FAM107B: variants seen among roughly 807,000 people sequenced by gnomAD.
The protein encoded by FAM107B is family with sequence similarity 107 member B.
Under a neutral mutation model 31.5 loss-of-function variants are expected in FAM107B, and 21 were observed. That is an observed-to-expected ratio of 0.67 (90% CI 0.47 to 0.96). FAM107B has a LOEUF of 0.96. FAM107B is among the 40% of genes least tolerant of loss of function. FAM107B has a pLI of 0.00. For synonymous variants in FAM107B, 157 were observed against 141.5 expected (o/e 1.11, Z -0.78); for missense variants, 452 against 377.1 (o/e 1.20, Z -1.64).
At chr10:14,690,590 C>G (rs1855109624) in intron 1 of FAM107B, among the ~76,000 whole-genome samples, 1 of 152,052 alleles carries the variant, frequency 6.6e-6, no homozygotes, top group South Asian at 2.1e-4. Flanking sequence ...GTAGCTGGGA[C>G]TACAGTTGCG....
intron 2 of FAM107B, among the ~76,000 whole-genome samples, chr10:14,654,506 T>C (rs1406393693): frequency 6.6e-6 from 1 of 152,202 alleles, no homozygotes. Flanking sequence ...CATCTCTCTG[T>C]GGTGAAGGAT....
At chr10:14,656,636 T>C (rs1264627593) in intron 2 of FAM107B, among the ~76,000 whole-genome samples, 1 of 152,264 alleles carries the variant, frequency 6.6e-6, no homozygotes, top group Admixed American at 6.5e-5. Context: ...TTAAAGATCA[T>C]CACTTTACTT....
At chr10:14,755,654 C>T (rs1832913657) in intron 1 of FAM107B, among the ~76,000 whole-genome samples, 1 of 152,058 alleles carries the variant, frequency 6.6e-6, no homozygotes, top group African/African-American at 2.4e-5. Context: ...CTTTTTCATC[C>T]ATCCTTCTCC....
In FAM107B at chr10:14,656,249, G is replaced by A. The variant is rs188690538; in HGVS notation, c.469+11385C>T. On this transcript the variant is annotated intron_variant, in intron 2 of 4. Coordinates refer to ENST00000181796, the MANE Select transcript of FAM107B (RefSeq NM_031453.4). ...GGTAAGGTGGCTCCTACACCACTCC[G>A]AACCAGTGTGGGGCATGGGGGCGAT... 7.2e-5 allele frequency among the ~76,000 whole-genome samples: 11 copies of A among 152,262 alleles called. No homozygotes were observed. The East Asian group carries it at 1.7e-3, about 24-fold the overall frequency.
At chr10:14,678,141 C>A (rs1201008958) in intron 1 of FAM107B, among the ~76,000 whole-genome samples, 1 of 152,172 alleles carries the variant, frequency 6.6e-6, no homozygotes, top group Non-Finnish European at 1.5e-5. Context: ...CAAACCCTAC[C>A]CCACGCTGAA....
rs576523332 is a variant in FAM107B, at chr10:14,723,837, A to G, written c.411+50416T>C. 7.9e-6 allele frequency: 6 copies of G among 756,554 alleles called. No homozygotes were observed. The South Asian group carries it at 8.1e-5, about 10-fold the overall frequency. The allele number at this position is 756,554 out of a possible 1,614,324, so 46.9% of individuals were successfully genotyped here. On this transcript the variant is annotated intron_variant, in intron 1 of 4. Transcript: ENST00000181796. ...TATACCTGGAGGACATGACACTGACATCAGCAGGGTTTTCAATGGCAACAA... is the reference window on the plus strand; with the variant it reads ...TATACCTGGAGGACATGACACTGACGTCAGCAGGGTTTTCAATGGCAACAA...
chr10:14,628,408 G>A (rs958633112), intron 2 of FAM107B, among the ~76,000 whole-genome samples: 1 of 152,108 alleles, frequency 6.6e-6, no homozygotes, highest in Admixed American at 6.5e-5. Context: ...GTGAGCCACT[G>A]CACCCGGCCC....
chr10:14,607,862 C>A (rs533379146), intron 2 of FAM107B, among the ~76,000 whole-genome samples: 6 of 152,172 alleles, frequency 3.9e-5, no homozygotes, highest in Non-Finnish European at 8.8e-5. Flanking sequence ...ATTCTCTGAT[C>A]TTGCATTACT....
rs545141116 is a variant in FAM107B at position 14,608,846 on chromosome 10, G to A, written c.469+58788C>T. The stretch of plus-strand genomic sequence containing the variant: ...CAACAGGGCTTGAGTGCTGTACTAG[G>A]AGAGGAGGAATTCTTGTGACCATCC... On this transcript the variant is annotated intron_variant, in intron 2 of 4. Coordinates refer to ENST00000181796, the MANE Select transcript of FAM107B (RefSeq NM_031453.4). Among the ~76,000 whole-genome samples, 22 of 152,328 alleles carry A rather than the reference G, an allele frequency of 1.4e-4. No individual in the cohort carries two copies. In the South Asian group the frequency reaches 4.3e-3, roughly 30 times the overall value.
chr10:14,684,959 C>G (rs979480328), intron 1 of FAM107B, among the ~76,000 whole-genome samples: 5 of 151,560 alleles, frequency 3.3e-5, no homozygotes, highest in Non-Finnish European at 7.4e-5. Context: ...CAGCTGGGAC[C>G]ACAGGCGTGC....
At chr10:14,772,808 A>G (rs930599485) in intron 1 of FAM107B, among the ~76,000 whole-genome samples, 1 of 152,178 alleles carries the variant, frequency 6.6e-6, no homozygotes, top group Non-Finnish European at 1.5e-5. Context: ...ATTTGAATTC[A>G]CATGCTTGCC....
chr10:14,533,247 T>C (rs573203358), intron 2 of FAM107B, among the ~76,000 whole-genome samples: 289 of 152,146 alleles, frequency 1.9e-3, no homozygotes, highest in African/African-American at 6.6e-3. Context: ...AGCAGCAGCA[T>C]AGGTAGGCGG....
At chr10:14,718,398 G>A (rs1308779193) in intron 1 of FAM107B, among the ~76,000 whole-genome samples, 1 of 144,808 alleles carries the variant, frequency 6.9e-6, no homozygotes, top group African/African-American at 2.6e-5. Context: ...AGAAAGGAAA[G>A]GAAGAAAGAA....
At chr10:14,743,687 A>G (rs530368301) in intron 1 of FAM107B, among the ~76,000 whole-genome samples, 3 of 151,992 alleles carry the variant, frequency 2.0e-5, no homozygotes, top group Middle Eastern at 3.4e-3. Flanking sequence ...TATTTCTGAG[A>G]TCTCTATTCT....
rs556466648 is a variant in FAM107B, at chr10:14,584,247, T to C, written c.470-53732A>G. On this transcript the variant is annotated intron_variant, in intron 2 of 4. Coordinates refer to ENST00000181796, the MANE Select transcript of FAM107B (RefSeq NM_031453.4). ...CTCAGGAAGAAGCACTTAAGCCCTA[T>C]AGGACCCTAAAGAGACACAAAGATG... 5.6e-4 allele frequency among the ~76,000 whole-genome samples: 85 copies of C among 152,204 alleles called. 1 individual carries two copies. Among genetic ancestry groups the C allele is most frequent in the African/African-American group, 1.9e-3 (79 of 41,532 alleles).
intron 2 of FAM107B, among the ~76,000 whole-genome samples, chr10:14,635,401 A>C (rs1302859977): frequency 6.6e-6 from 1 of 152,216 alleles, no homozygotes; most frequent in Non-Finnish European, 1.5e-5. Context: ...TGGAGATTTT[A>C]GCTATTGTTC....
intron 1 of FAM107B, among the ~76,000 whole-genome samples, chr10:14,721,588 G>C (rs1196383585): frequency 6.6e-6 from 1 of 152,180 alleles, no homozygotes; most frequent in Non-Finnish European, 1.5e-5. Flanking sequence ...GCATTTCTCT[G>C]ATGGCCAGTG....
In FAM107B at chr10:14,763,687, G is replaced by C. The variant is rs527706367; in HGVS notation, c.411+10566C>G. On this transcript the variant is annotated intron_variant, in intron 1 of 4. Coordinates refer to ENST00000181796, the MANE Select transcript of FAM107B (RefSeq NM_031453.4). ...ACCTGGGGATGAAAGCCATCTGGGA[G>C]ATCCATCACCTCCCCAAGTACCAGG... is the stretch of plus-strand genomic sequence containing the variant. Among the ~76,000 whole-genome samples, 37 of 152,268 alleles carry C rather than the reference G, an allele frequency of 2.4e-4. No individual in the cohort carries two copies. The South Asian group carries it at 5.8e-3, about 24-fold the overall frequency.
intron 1 of FAM107B, among the ~76,000 whole-genome samples, chr10:14,713,892 G>A (rs576426677): frequency 5.4e-4 from 83 of 152,310 alleles, no homozygotes; most frequent in African/African-American, 1.8e-3. Flanking sequence ...CATGGATGGA[G>A]TTGGAGGTCA....
Sources: gnomAD v4.1 joint callset for allele counts (sites outside exome capture counted in the v4.1 genomes callset) on GRCh38, gnomAD v4.1.1 for gene constraint, MANE v1.5 for transcripts, NCBI Gene and HGNC (gene_info 2026-07-23, HGNC 2026-07-21) for gene names.